The following CHID1 variants were observed in gnomAD, a reference collection of about 807,000 sequenced individuals.
CHID1 encodes chitinase domain containing 1.
In CHID1, 44 loss-of-function variants were observed where a neutral mutation model predicts 55.4. The observed-to-expected ratio is 0.79, with a 90% CI of 0.62 to 1.02. The LOEUF (loss-of-function observed/expected upper bound fraction) is 1.02, where lower values mean the gene tolerates loss of function less well. Ranked by LOEUF, CHID1 falls within the 50% of genes least tolerant of loss-of-function variation. The probability of loss-of-function intolerance (pLI) is 0.00; values close to 1 mark genes in which losing one functional copy is unlikely to be tolerated. For synonymous variants in CHID1, 216 were observed against 212.9 expected (o/e 1.01, Z -0.13); for missense variants, 491 against 515.3 (o/e 0.95, Z 0.46).
intron 7 of CHID1, among the ~76,000 whole-genome samples, chr11:898,426 C>A (rs1263241183): frequency 1.3e-5 from 2 of 152,238 alleles, no homozygotes; most frequent in African/African-American, 4.8e-5. Context: ...TGCCATAGGG[C>A]TCTGCTGTCC....
chr11:904,813 G>A lies in CHID1; in HGVS notation c.4C>T (p.Arg2Trp), dbSNP rs549690523. Residue 2 changes from arginine (R) to tryptophan (W), a missense_variant, in exon 2 of 13, where the codon CGG becomes TGG. Coordinates refer to ENST00000323578, the MANE Select transcript of CHID1 (RefSeq NM_023947.4). MRTLFNLLWLAL... is the reference protein window; with the variant it reads MWTLFNLLWLAL... ...AGCCAGAGGAGGTTGAAGAGTGTCC[G>A]CATGGTAGGTGTGTCACAGTAGGGT... The A allele has an allele frequency of 4.6e-5, 74 of 1,613,704 alleles. No homozygotes were observed. The highest frequency in any genetic ancestry group is 6.2e-5 in the Non-Finnish European group (73 of 1,179,988).
At chr11:882,676 A>G (rs904204535) in intron 10 of CHID1, among the ~76,000 whole-genome samples, 4 of 152,218 alleles carry the variant, frequency 2.6e-5, no homozygotes, top group African/African-American at 9.7e-5. Context: ...TTAAGGTGCC[A>G]GTGAAAAAAC....
intron 8 of CHID1, among the ~76,000 whole-genome samples, chr11:891,887 T>C (rs1850852049): frequency 6.8e-6 from 1 of 146,494 alleles, no homozygotes; most frequent in Admixed American, 7.0e-5. Flanking sequence ...GATGATCGCT[T>C]GAGCCCAGGA....
chr11:891,332 G>A (rs577259670), intron 8 of CHID1, among the ~76,000 whole-genome samples: 9 of 152,192 alleles, frequency 5.9e-5, no homozygotes, highest in Admixed American at 4.6e-4. Flanking sequence ...CCTCGTCACC[G>A]TGCCCGTAGC....
intron 7 of CHID1, among the ~76,000 whole-genome samples, chr11:897,513 G>A (rs1430368577): frequency 6.6e-6 from 1 of 152,178 alleles, no homozygotes; most frequent in East Asian, 1.9e-4. Context: ...ACTGCCCACG[G>A]CTCAGCAAGA....
chr11:868,647 C>G lies in CHID1; in HGVS notation c.*1211G>C, dbSNP rs1304448014. On this transcript the variant is annotated 3_prime_UTR_variant, in exon 13 of 13. Coordinates refer to ENST00000323578, the MANE Select transcript of CHID1 (RefSeq NM_023947.4). Reference sequence around the variant, plus strand: ...AAGTGTGGGTGCCTTGGGTCCGACCCAGGACCCCCTCCCCAGCTCCCGTCC... The same window carrying G: ...AAGTGTGGGTGCCTTGGGTCCGACCGAGGACCCCCTCCCCAGCTCCCGTCC... 6.6e-6 allele frequency: 1 copy of G among 152,176 alleles called. No individual in the cohort carries two copies. Among genetic ancestry groups the G allele is most frequent in the East Asian group, 1.9e-4 (1 of 5,184 alleles). The allele number at this position is 152,176 out of a possible 1,614,324, so 9.4% of individuals were successfully genotyped here. A position where few individuals can be genotyped will look rare whatever the true frequency, so the allele number is the denominator to read the frequency against.
chr11:900,842 G>T (rs566601421), intron 5 of CHID1, 94 bp downstream of exon 5: 1 of 1,034,964 alleles, frequency 9.7e-7, no homozygotes, highest in East Asian at 2.9e-5. Flanking sequence ...CAGCACAGCC[G>T]GGTGATCAGG....
chr11:876,468 C>A (rs1008671117), intron 10 of CHID1, among the ~76,000 whole-genome samples: 1 of 152,192 alleles, frequency 6.6e-6, no homozygotes. Flanking sequence ...CTCCACCGTG[C>A]AGACATTCAG....
chr11:900,948 C>T lies in CHID1; in HGVS notation c.427G>A (p.Gly143Ser). The T allele has an allele frequency of 6.2e-7, 1 of 1,603,370 alleles. No homozygotes were observed. The change falls in exon 5 of 13, where the codon GGC (glycine) becomes AGC (serine). Residue 143 changes from glycine to serine, a missense_variant. Physicochemically the swap from Gly to Ser is moderately conservative, Grantham distance 56. Transcript: ENST00000323578. Reference protein sequence around the residue: ...WMRAVRKHAKGLHIVPRLLFE... With the variant: ...WMRAVRKHAKSLHIVPRLLFE... ...CTGCCGCACTTACCTATGTGCAGGC[C>T]CTTGGCATGCTTCCTGACAGCTCGC...
chr11:870,372 T>C (rs760573633), intron 11 of CHID1, 47 bp downstream of exon 11: 183 of 1,508,560 alleles, frequency 1.2e-4, no homozygotes, highest in Admixed American at 1.2e-3. Context: ...CCAGGGCCCC[T>C]CCCTGCACAC....
rs375799761 is a variant in CHID1 at position 871,917 on chromosome 11, C to T, written c.960-1418G>A. ...AAGGCTGCTGTTGTCCTGAGCAGGG[C>T]AGAGTCCCCTTGACACTGGGAGCCT... On this transcript the variant is annotated intron_variant, in intron 10 of 12. Transcript: ENST00000323578. 1.7e-3 allele frequency among the ~76,000 whole-genome samples: 252 copies of T among 152,322 alleles called. 2 individuals carry two copies. Among genetic ancestry groups the T allele is most frequent in the African/African-American group, 4.8e-3 (198 of 41,586 alleles).
intron 10 of CHID1, among the ~76,000 whole-genome samples, chr11:873,448 C>T (rs942632108): frequency 1.1e-4 from 16 of 152,042 alleles, no homozygotes; most frequent in South Asian, 4.2e-4. Context: ...GTCTTTTGGG[C>T]GCAGGCACCA....
At chr11:890,630 A>C (rs1230079991) in intron 8 of CHID1, among the ~76,000 whole-genome samples, 1 of 152,188 alleles carries the variant, frequency 6.6e-6, no homozygotes, top group Non-Finnish European at 1.5e-5. Context: ...AGAGTGACCC[A>C]AGGGTTCTGC....
At chr11:882,089 G>A (rs1283729716) in intron 10 of CHID1, among the ~76,000 whole-genome samples, 1 of 152,108 alleles carries the variant, frequency 6.6e-6, no homozygotes, top group African/African-American at 2.4e-5. Flanking sequence ...CACTTTGGGA[G>A]GCCAAGGTGG....
At chr11:882,052 T>C (rs369414006) in intron 10 of CHID1, among the ~76,000 whole-genome samples, 2 of 144,838 alleles carry the variant, frequency 1.4e-5, no homozygotes, top group South Asian at 2.2e-4. Flanking sequence ...CCCAGCCCGG[T>C]GTGGTGGCTC....
intron 10 of CHID1, among the ~76,000 whole-genome samples, chr11:881,224 G>C (rs1034969603): frequency 1.3e-5 from 2 of 152,104 alleles, no homozygotes; most frequent in Non-Finnish European, 2.9e-5. Flanking sequence ...CAGGAGGATC[G>C]CTTGAGCCCA....
chr11:914,418 G>A, upstream of CHID1: 1 of 793,716 alleles, frequency 1.3e-6, no homozygotes, highest in Non-Finnish European at 1.8e-6. Context: ...TGGGCATGGG[G>A]GGGACAGAGT....
At chr11:894,252 G>A (rs1238651673) in intron 7 of CHID1, among the ~76,000 whole-genome samples, 1 of 152,180 alleles carries the variant, frequency 6.6e-6, no homozygotes, top group African/African-American at 2.4e-5. Context: ...GTAGCTCAGG[G>A]AAGGAGAGGG....
At chr11:878,948 G>A (rs1378591400) in intron 10 of CHID1, among the ~76,000 whole-genome samples, 3 of 152,054 alleles carry the variant, frequency 2.0e-5, no homozygotes, top group East Asian at 1.9e-4. Flanking sequence ...CAGGGTTCAC[G>A]CTATTCTCCT....
Sources: gnomAD v4.1 joint callset for allele counts (sites outside exome capture counted in the v4.1 genomes callset) on GRCh38, gnomAD v4.1.1 for gene constraint, MANE v1.5 for transcripts, NCBI Gene and HGNC (gene_info 2026-07-23, HGNC 2026-07-21) for gene names.